The following FBXL20 variants were observed in gnomAD, a reference collection of about 807,000 sequenced individuals.
The protein encoded by FBXL20 is F-box and leucine rich repeat protein 20, also known as F-box/LRR-repeat protein 20.
FBXL20 carries 11 observed loss-of-function variants against 64.0 expected under a neutral mutation model. The ratio of observed to expected loss-of-function variants is 0.17; its 90% CI spans 0.11 to 0.28. The LOEUF is 0.28. Ranked by LOEUF, FBXL20 falls within the 10% of genes least tolerant of loss-of-function variation. The probability of loss-of-function intolerance (pLI) is 1.00; values close to 1 mark genes in which losing one functional copy is unlikely to be tolerated. For missense variants in FBXL20, 303 were observed against 526.2 expected, an observed-to-expected ratio of 0.58 and a Z score of 4.15; for synonymous variants, 184 against 189.0, an observed-to-expected ratio of 0.97 and a Z score of 0.22.
chr17:39,336,692 C>T (rs1156914476), intron 2 of FBXL20, among the ~76,000 whole-genome samples: 3 of 151,882 alleles, frequency 2.0e-5, no homozygotes, highest in Non-Finnish European at 4.4e-5. Context: ...AGTGTGGTGG[C>T]GCACGCCTGT....
At chr17:39,284,285 C>T (rs1597774259) in intron 7 of FBXL20, among the ~76,000 whole-genome samples, 1 of 152,150 alleles carries the variant, frequency 6.6e-6, no homozygotes, top group Non-Finnish European at 1.5e-5. Flanking sequence ...AGTTTATTAG[C>T]CTACACAGCA....
At chr17:39,323,068 C>T (rs1427001631) in intron 2 of FBXL20, among the ~76,000 whole-genome samples, 2 of 151,750 alleles carry the variant, frequency 1.3e-5, no homozygotes, top group Non-Finnish European at 2.9e-5. Context: ...CTCCAGGGTT[C>T]ACGCCATTCT....
intron 2 of FBXL20, among the ~76,000 whole-genome samples, chr17:39,337,579 G>A (rs1288129642): frequency 2.4e-4 from 37 of 151,142 alleles, no homozygotes; most frequent in Non-Finnish European, 4.9e-4. Context: ...GATGTGAGGA[G>A]CGCCTCTGCC....
intron 1 of FBXL20, among the ~76,000 whole-genome samples, chr17:39,348,182 G>T (rs1337768769): frequency 6.6e-6 from 1 of 151,586 alleles, no homozygotes; most frequent in Non-Finnish European, 1.5e-5. Flanking sequence ...TGATGTCTCG[G>T]CTGAGCGCGG....
upstream of FBXL20, chr17:39,402,111 C>A: frequency 8.2e-7 from 1 of 1,221,662 alleles, no homozygotes. Flanking sequence ...ACTTGTTCCC[C>A]AGGATCCTGT....
At chr17:39,288,840 C>G (rs2047011888) in intron 6 of FBXL20, among the ~76,000 whole-genome samples, 1 of 152,040 alleles carries the variant, frequency 6.6e-6, no homozygotes, top group Non-Finnish European at 1.5e-5. Context: ...TCCAGAGTAG[C>G]TGGGAGGCAC....
intron 1 of FBXL20, among the ~76,000 whole-genome samples, chr17:39,398,079 C>T (rs992362266): frequency 7.5e-6 from 1 of 134,088 alleles, no homozygotes; most frequent in Non-Finnish European, 1.6e-5. Context: ...GTCAGGAGCT[C>T]GAGACCAGCC....
At chr17:39,394,840 C>G (rs987574939) in intron 1 of FBXL20, among the ~76,000 whole-genome samples, 6 of 151,908 alleles carry the variant, frequency 3.9e-5, no homozygotes, top group Non-Finnish European at 8.8e-5. Flanking sequence ...ATTACAAGCC[C>G]GAGCCACTGT....
intron 1 of FBXL20, among the ~76,000 whole-genome samples, chr17:39,370,514 C>T (rs111891070): frequency 2.0e-5 from 3 of 149,178 alleles, no homozygotes; most frequent in Non-Finnish European, 3.0e-5. Context: ...AGGCCGGGCG[C>T]GGTGGCTCAC....
intron 2 of FBXL20, among the ~76,000 whole-genome samples, chr17:39,320,913 T>A (rs570169751): frequency 6.6e-6 from 1 of 152,172 alleles, no homozygotes; most frequent in Non-Finnish European, 1.5e-5. Context: ...CAACAAAAAG[T>A]GACTAACAGC....
At chr17:39,399,690 T>C (rs547053947) in intron 1 of FBXL20, among the ~76,000 whole-genome samples, 2 of 152,258 alleles carry the variant, frequency 1.3e-5, no homozygotes, top group Non-Finnish European at 2.9e-5. Flanking sequence ...CAGCTACAAG[T>C]TAAAAAGAAA....
chr17:39,320,450 G>A (rs1238783774), intron 2 of FBXL20, among the ~76,000 whole-genome samples: 1 of 151,946 alleles, frequency 6.6e-6, no homozygotes, highest in South Asian at 2.1e-4. Context: ...CTCACAGCAC[G>A]GTTTACCAAC....
rs2046670534 is a variant in FBXL20 at position 39,253,728 on chromosome 17, A to G, written c.*7732T>C. 6.6e-6 allele frequency: 1 copy of G among 152,344 alleles called. No individual in the cohort carries two copies. Among genetic ancestry groups the G allele is most frequent in the Non-Finnish European group, 1.5e-5 (1 of 68,038 alleles). 9.4% of individuals were successfully genotyped at this position (152,344 alleles called of 1,614,324 possible). A position where few individuals can be genotyped will look rare whatever the true frequency, so the allele number is the denominator to read the frequency against. ...ACAGTCATCAGAGAAGCACAGATAAATTATTCTTAAGGGCAGGAAAAAACT... is the reference window on the plus strand; with the variant it reads ...ACAGTCATCAGAGAAGCACAGATAAGTTATTCTTAAGGGCAGGAAAAAACT... On this transcript the variant is annotated 3_prime_UTR_variant, in exon 15 of 15. Coordinates refer to ENST00000264658, the MANE Select transcript of FBXL20 (RefSeq NM_032875.3).
At chr17:39,340,809 T>C (rs1268872558) in intron 2 of FBXL20, among the ~76,000 whole-genome samples, 5 of 152,042 alleles carry the variant, frequency 3.3e-5, no homozygotes, top group African/African-American at 1.2e-4. Flanking sequence ...AAAAACCACA[T>C]ATTTGAAAGT....
intron 2 of FBXL20, among the ~76,000 whole-genome samples, chr17:39,308,568 A>ATTT (rs71141795): frequency 2.1e-5 from 3 of 144,876 alleles, no homozygotes; most frequent in Non-Finnish European, 3.0e-5. Flanking sequence ...TAATACAATA[A>ATTT]TTTTTTTTTT....
chr17:39,273,848 G>A (rs2046868300), intron 10 of FBXL20, among the ~76,000 whole-genome samples: 1 of 149,274 alleles, frequency 6.7e-6, no homozygotes, highest in African/African-American at 2.4e-5. Flanking sequence ...CGATAATAGT[G>A]CTTATATGGT....
chr17:39,302,029 A>T (rs1451574099), intron 3 of FBXL20, among the ~76,000 whole-genome samples: 1 of 151,458 alleles, frequency 6.6e-6, no homozygotes, highest in Non-Finnish European at 1.5e-5. Context: ...TCTAATCCCA[A>T]AATGAGACAA....
At chr17:39,383,977 T>C (rs993613634) in intron 1 of FBXL20, among the ~76,000 whole-genome samples, 3 of 152,014 alleles carry the variant, frequency 2.0e-5, no homozygotes, top group South Asian at 2.1e-4. Context: ...CTCATGCCCA[T>C]AATCCTAGCA....
chr17:39,387,468 G>A (rs1028427244), intron 1 of FBXL20, among the ~76,000 whole-genome samples: 1 of 151,842 alleles, frequency 6.6e-6, no homozygotes, highest in South Asian at 2.1e-4. Context: ...TAGTAGAGAC[G>A]GGGTTTCACC....
Sources: gnomAD v4.1 joint callset for allele counts (sites outside exome capture counted in the v4.1 genomes callset) on GRCh38, gnomAD v4.1.1 for gene constraint, MANE v1.5 for transcripts, NCBI Gene and HGNC (gene_info 2026-07-23, HGNC 2026-07-21) for gene names.